Variants in MERTK observed in about 807,000 individuals in gnomAD.
The protein encoded by MERTK is tyrosine-protein kinase Mer.
In MERTK, 69 loss-of-function variants were observed where a neutral mutation model predicts 99.3. That is an observed-to-expected ratio of 0.70 (90% CI 0.57 to 0.85). The LOEUF is 0.85. Ranked by LOEUF, MERTK falls within the 40% of genes least tolerant of loss-of-function variation. MERTK has a pLI of 0.00. For missense variants in MERTK, 1,125 were observed against 1,249.4 expected (o/e 0.90, Z 1.50); for synonymous variants, 426 against 467.6 (o/e 0.91, Z 1.15).
chr2:112,012,243 A>G (rs1218096754), intron 15 of MERTK, among the ~76,000 whole-genome samples: 3 of 66,932 alleles, frequency 4.5e-5, no homozygotes, highest in Non-Finnish European at 6.0e-5. Flanking sequence ...CGCCCCCCAC[A>G]TCAGTCACTG....
At chr2:111,981,470 A>G (rs2104739952) in intron 7 of MERTK, among the ~76,000 whole-genome samples, 1 of 152,248 alleles carries the variant, frequency 6.6e-6, no homozygotes, top group South Asian at 2.1e-4. Flanking sequence ...GCTGAAGTGC[A>G]GTGGCATGAT....
At chr2:112,017,745 G>A (rs1263920462) in intron 15 of MERTK, among the ~76,000 whole-genome samples, 3 of 152,094 alleles carry the variant, frequency 2.0e-5, no homozygotes, top group Admixed American at 6.6e-5. Flanking sequence ...AAGACCAAAT[G>A]ATCTGGGAGC....
chr2:111,946,354 T>C (rs775500400), intron 3 of MERTK, among the ~76,000 whole-genome samples: 2 of 152,174 alleles, frequency 1.3e-5, no homozygotes, highest in Non-Finnish European at 2.9e-5. Context: ...TGAAACAGGA[T>C]AAAAGAATTC....
intron 8 of MERTK, among the ~76,000 whole-genome samples, chr2:111,985,710 A>G (rs1375218931): frequency 2.0e-5 from 3 of 152,138 alleles, no homozygotes; most frequent in African/African-American, 7.2e-5. Context: ...TCCCCTTTAT[A>G]AAACCATAGG....
intron 1 of MERTK, among the ~76,000 whole-genome samples, chr2:111,913,810 A>G (rs1363058973): frequency 2.6e-5 from 4 of 152,264 alleles, no homozygotes; most frequent in East Asian, 1.9e-4. Context: ...CAGCCTGCCA[A>G]AGTGCTAGGA....
At position 111,935,325 on chromosome 2, in the gene MERTK, G is replaced by T. The variant is rs1349067879; in HGVS notation, c.482+5785G>T. On this transcript the variant is annotated intron_variant, in intron 2 of 18. Transcript: ENST00000295408. The stretch of plus-strand genomic sequence containing the variant: ...TGGTTGTGAACAGAATGGAGGGGAA[G>T]GGCCAAATCAAACGTCAGGTGCGGC... Among the ~76,000 whole-genome samples, 3 of 152,186 alleles carry T rather than the reference G, an allele frequency of 2.0e-5. No individual in the cohort carries two copies. In the East Asian group the frequency reaches 5.8e-4, roughly 29 times the overall value.
chr2:111,902,518 C>G (rs1488798453), intron 1 of MERTK, among the ~76,000 whole-genome samples: 1 of 152,170 alleles, frequency 6.6e-6, no homozygotes, highest in African/African-American at 2.4e-5. Context: ...CCCTCTTGTT[C>G]CTACCACTCC....
rs561930532 is a variant in MERTK at position 111,960,571 on chromosome 2, A to G, written c.758-4620A>G. ...CAATAAAGTTGTACTTATGTTTAAGAATCACTTACATTGTTTTGATTAATT... is the reference window on the plus strand; with the variant it reads ...CAATAAAGTTGTACTTATGTTTAAGGATCACTTACATTGTTTTGATTAATT... On this transcript the variant is annotated intron_variant, in intron 4 of 18. Transcript: ENST00000295408. Among the ~76,000 whole-genome samples the G allele has an allele frequency of 1.4e-3, 215 of 152,208 alleles. 2 individuals carry two copies. Among genetic ancestry groups the G allele is most frequent in the African/African-American group, 4.6e-3 (192 of 41,528 alleles).
At chr2:111,993,376 C>T (rs372312488) in intron 8 of MERTK, among the ~76,000 whole-genome samples, 3 of 152,168 alleles carry the variant, frequency 2.0e-5, no homozygotes, top group Admixed American at 6.5e-5. Flanking sequence ...ACCAATAGCA[C>T]TGCCTTTGCT....
At chr2:111,910,002 A>G (rs1349372389) in intron 1 of MERTK, among the ~76,000 whole-genome samples, 1 of 152,232 alleles carries the variant, frequency 6.6e-6, no homozygotes, top group Non-Finnish European at 1.5e-5. Context: ...ACTATTCACA[A>G]TAGCCAAGCT....
chr2:111,960,708 A>G (rs1479479964), intron 4 of MERTK, among the ~76,000 whole-genome samples: 1 of 151,972 alleles, frequency 6.6e-6, no homozygotes, highest in Non-Finnish European at 1.5e-5. Flanking sequence ...AAACTTTCAA[A>G]TGTGTACCAT....
At chr2:112,004,093 C>A in intron 13 of MERTK, 109 bp downstream of exon 13, 1 of 893,042 alleles carries the variant, frequency 1.1e-6, no homozygotes, top group Non-Finnish European at 1.9e-6. Flanking sequence ...GGCCAGAAGG[C>A]AATGTGGAAC....
intron 17 of MERTK, 94 bp downstream of exon 17, chr2:112,021,675 T>A: frequency 8.2e-7 from 1 of 1,217,092 alleles, no homozygotes; most frequent in Non-Finnish European, 1.2e-6. Context: ...GACATTTTAC[T>A]CTTTGATAAA....
intron 16 of MERTK, 124 bp downstream of exon 16, chr2:112,019,646 G>C (rs551534023): frequency 1.3e-6 from 1 of 775,108 alleles, no homozygotes; most frequent in African/African-American, 1.7e-5. Flanking sequence ...GGGATGGTGT[G>C]GCTTGCTCCG....
At chr2:111,936,505 AGGT>A (rs1684767165) in intron 2 of MERTK, among the ~76,000 whole-genome samples, 2 of 152,228 alleles carry the variant, frequency 1.3e-5, no homozygotes, top group South Asian at 4.1e-4. Flanking sequence ...CTCCTAGCCT[AGGT>A]GCCCTCTTGA....
At chr2:111,926,248 G>A (rs1573575520) in intron 1 of MERTK, among the ~76,000 whole-genome samples, 1 of 152,128 alleles carries the variant, frequency 6.6e-6, no homozygotes, top group Non-Finnish European at 1.5e-5. Flanking sequence ...AACCAATGAA[G>A]GTATAATTTG....
chr2:111,939,654 ATT>A (rs1184269274), intron 2 of MERTK, among the ~76,000 whole-genome samples: 2 of 88,246 alleles, frequency 2.3e-5, no homozygotes, highest in South Asian at 4.1e-4. Context: ...CTAATTTTTA[ATT>A]TTTTTTTTTT....
At chr2:111,940,709 C>A (rs1684848417) in intron 2 of MERTK, 1 of 790,656 alleles carries the variant, frequency 1.3e-6, no homozygotes, top group African/African-American at 1.7e-5. Context: ...GCATTGTCAG[C>A]AGTTTTTGCA....
rs951465311 is a variant in MERTK, at chr2:111,965,557, T to G, written c.844+280T>G. Among the ~76,000 whole-genome samples, 4 of 152,256 alleles carry G rather than the reference T, an allele frequency of 2.6e-5. 1 individual carries two copies. The South Asian group carries it at 6.2e-4, about 24-fold the overall frequency. On this transcript the variant is annotated intron_variant, in intron 5 of 18. Transcript: ENST00000295408. ...GGTCTTTGATAAACATTCACTCGTTTAGCTCTGCTTACTCCAAGAAGAAAA... is the reference window on the plus strand; with the variant it reads ...GGTCTTTGATAAACATTCACTCGTTGAGCTCTGCTTACTCCAAGAAGAAAA...
Sources: gnomAD v4.1 joint callset for allele counts (sites outside exome capture counted in the v4.1 genomes callset) on GRCh38, gnomAD v4.1.1 for gene constraint, MANE v1.5 for transcripts, NCBI Gene and HGNC (gene_info 2026-07-23, HGNC 2026-07-21) for gene names.